Variants in TRAK1 observed in about 807,000 individuals in gnomAD.
TRAK1 encodes trafficking kinesin-binding protein 1.
TRAK1 carries 33 observed loss-of-function variants against 92.1 expected under a neutral mutation model. The ratio of observed to expected loss-of-function variants is 0.36; its 90% CI spans 0.27 to 0.48. The LOEUF (loss-of-function observed/expected upper bound fraction) is 0.48. Among genes scored for constraint, TRAK1 ranks in the 20% least tolerant of loss-of-function variants. The pLI is 0.99. For missense variants in TRAK1, 1,123 were observed against 1,257.9 expected (o/e 0.89, Z 1.62); for synonymous variants, 521 against 517.3 (o/e 1.01, Z -0.10).
chr3:42,089,762 G>C (rs185239562), upstream of TRAK1, among the ~76,000 whole-genome samples: 87 of 146,406 alleles, frequency 5.9e-4, no homozygotes, highest in African/African-American at 2.1e-3. Flanking sequence ...ACCATCTGCT[G>C]AACTACTGTA....
upstream of TRAK1, among the ~76,000 whole-genome samples, chr3:42,088,301 G>C (rs970090551): frequency 6.6e-6 from 1 of 152,098 alleles, no homozygotes; most frequent in Non-Finnish European, 1.5e-5. Context: ...GAGAAAGCCG[G>C]GGGTCCCAGC....
chr3:42,089,147 A>C (rs371375082), upstream of TRAK1, among the ~76,000 whole-genome samples: 1 of 152,164 alleles, frequency 6.6e-6, no homozygotes, highest in African/African-American at 2.4e-5. Flanking sequence ...TGGTGCTTTC[A>C]TTATTCTAGT....
rs143096266 is a variant in TRAK1 at position 42,148,649 on chromosome 3, T to A, written c.286+23035T>A. ...GTGTCCATGAAACAGCATATTGTAC[T>A]GCACAAGCCCTTTGTGATGGCGCCC... On this transcript the variant is annotated intron_variant, in intron 2 of 15. Coordinates refer to ENST00000327628, the MANE Select transcript of TRAK1 (RefSeq NM_001042646.3). Among the ~76,000 whole-genome samples the A allele has an allele frequency of 1.5e-3, 236 of 152,368 alleles. 2 individuals are homozygous for A. The highest frequency in any genetic ancestry group is 2.5e-3 in the Non-Finnish European group (171 of 68,034).
chr3:42,158,307 C>T (rs2149287982), intron 2 of TRAK1, among the ~76,000 whole-genome samples: 1 of 152,190 alleles, frequency 6.6e-6, no homozygotes, highest in East Asian at 1.9e-4. Flanking sequence ...ATATCCTACT[C>T]ATCTTATCGT....
intron 2 of TRAK1, among the ~76,000 whole-genome samples, chr3:42,144,107 T>C (rs1699034585): frequency 6.6e-6 from 1 of 152,194 alleles, no homozygotes; most frequent in African/African-American, 2.4e-5. Flanking sequence ...GCTCCCTACC[T>C]CACCCCACCT....
At chr3:42,147,618 G>A (rs982256795) in intron 2 of TRAK1, among the ~76,000 whole-genome samples, 1 of 152,188 alleles carries the variant, frequency 6.6e-6, no homozygotes, top group Non-Finnish European at 1.5e-5. Flanking sequence ...GGGACTTGAG[G>A]CTCTGTTATC....
intron 1 of TRAK1, among the ~76,000 whole-genome samples, chr3:42,074,759 AG>A (rs550559336): frequency 1.9e-4 from 29 of 151,544 alleles, no homozygotes; most frequent in African/African-American, 6.1e-4. Flanking sequence ...GGCCTGTCAC[AG>A]GGGATTGGTG....
intron 14 of TRAK1, chr3:42,210,328 G>A: frequency 6.7e-7 from 1 of 1,500,484 alleles, no homozygotes. Flanking sequence ...TTGTAACAAT[G>A]GGTGTAGCTC....
chr3:42,210,265 A>C, intron 14 of TRAK1: 1 of 1,522,410 alleles, frequency 6.6e-7, no homozygotes, highest in Non-Finnish European at 8.8e-7. Context: ...TGATGATTAA[A>C]GCATTCTCAT....
At chr3:42,170,824 CTT>C (rs772908047) in intron 2 of TRAK1, among the ~76,000 whole-genome samples, 1,753 of 139,528 alleles carry the variant, frequency 0.013, 38 homozygotes, top group African/African-American at 0.043. Context: ...TCTTGAATAT[CTT>C]TTTTTTTTTT....
chr3:42,146,045 G>T, intron 2 of TRAK1: 1 of 427,232 alleles, frequency 2.3e-6, no homozygotes, highest in Non-Finnish European at 4.6e-6. Flanking sequence ...CAGGAACTTT[G>T]CTAATTGGTT....
chr3:42,168,694 C>T (rs1702170264), intron 2 of TRAK1, among the ~76,000 whole-genome samples: 2 of 151,896 alleles, frequency 1.3e-5, no homozygotes, highest in African/African-American at 4.8e-5. Context: ...CCACCTCAGC[C>T]TCCTGGGTAG....
intron 3 of TRAK1, 25 bp from the exon 4 acceptor site, chr3:42,184,660 C>G: frequency 1.9e-6 from 3 of 1,610,092 alleles, no homozygotes; most frequent in Non-Finnish European, 2.5e-6. Flanking sequence ...TTTTGAATCT[C>G]TGTTCTCCCT....
chr3:42,060,514 G>T (rs1300487394), intron 1 of TRAK1, among the ~76,000 whole-genome samples: 1 of 151,982 alleles, frequency 6.6e-6, no homozygotes, highest in Non-Finnish European at 1.5e-5. Flanking sequence ...TCCAGGCGTG[G>T]TCCCTTAGCA....
At chr3:42,120,119 G>A (rs536352443) in intron 1 of TRAK1, among the ~76,000 whole-genome samples, 4 of 152,280 alleles carry the variant, frequency 2.6e-5, no homozygotes, top group African/African-American at 9.6e-5. Context: ...CGGCCACCAT[G>A]GGGCATTACA....
Position 42,192,334 on chromosome 3 carries a change from A to G in TRAK1, c.769+698A>G, listed in dbSNP as rs141424478. On this transcript the variant is annotated intron_variant, in intron 7 of 15. Coordinates refer to ENST00000327628, the MANE Select transcript of TRAK1 (RefSeq NM_001042646.3). Reference sequence around the variant, plus strand: ...GCCAGGGTTCTCACCTTTGCAAATAAATATTTCTCTCCTCCTCTTCATTTT... The same window carrying G: ...GCCAGGGTTCTCACCTTTGCAAATAGATATTTCTCTCCTCCTCTTCATTTT... Among the ~76,000 whole-genome samples, 480 of 151,208 alleles carry G rather than the reference A, an allele frequency of 3.2e-3. 7 individuals are homozygous for G. Among genetic ancestry groups the G allele is most frequent in the Non-Finnish European group, 5.0e-3 (334 of 67,252 alleles).
intron 2 of TRAK1, among the ~76,000 whole-genome samples, chr3:42,132,989 A>G (rs528687525): frequency 6.6e-5 from 10 of 152,158 alleles, no homozygotes; most frequent in African/African-American, 2.4e-4. Context: ...TTCTTCCTCC[A>G]GATATATCCC....
chr3:42,220,384 G>A (rs1710222814), intron 15 of TRAK1: 3 of 701,758 alleles, frequency 4.3e-6, no homozygotes, highest in South Asian at 1.3e-4. Flanking sequence ...AGAGTAGAAC[G>A]ACCCCCTCAG....
At chr3:42,125,644 G>T (rs564741547) in intron 2 of TRAK1, 30 bp downstream of exon 2, 2 of 1,609,010 alleles carry the variant, frequency 1.2e-6, no homozygotes, top group East Asian at 4.5e-5. Flanking sequence ...TGTTGTGATG[G>T]CAGTATCATG....
Sources: allele counts gnomAD v4.1 joint callset (sites outside exome capture counted in the v4.1 genomes callset), GRCh38; gene constraint gnomAD v4.1.1; transcripts MANE v1.5; gene names NCBI Gene and HGNC (gene_info 2026-07-23, HGNC 2026-07-21).